MALRD1: variants seen among roughly 807,000 people sequenced by gnomAD.
MALRD1 encodes MAM and LDL-receptor class A domain-containing protein 1.
MALRD1 carries 247 observed loss-of-function variants against 242.1 expected under a neutral mutation model. The ratio of observed to expected loss-of-function variants is 1.02; its 90% CI spans 0.92 to 1.13. The LOEUF (loss-of-function observed/expected upper bound fraction) is 1.13. Ranked by LOEUF, MALRD1 falls within the 50% of genes most tolerant of loss-of-function variation. The pLI, the probability that MALRD1 is intolerant of heterozygous loss-of-function variation, is 0.00. For synonymous variants in MALRD1, 995 were observed against 866.6 expected, an observed-to-expected ratio of 1.15 and a Z score of -2.60; for missense variants, 2,989 against 2,533.1, an observed-to-expected ratio of 1.18 and a Z score of -3.86.
chr10:19,661,199 A>G (rs1370016019), intron 36 of MALRD1, among the ~76,000 whole-genome samples: 3 of 152,226 alleles, frequency 2.0e-5, no homozygotes, highest in African/African-American at 2.4e-5. Context: ...ACTGTAAACT[A>G]GTTCAACCAT....
rs117542829 is a variant in MALRD1, at chr10:19,588,115, C to A, written c.5681-7079C>A. ...ATGAAATGAATGACAGAGTTCTTTA[C>A]TTAATTATAAGTTTATATTCAAATA... On this transcript the variant is annotated intron_variant, in intron 33 of 39. Coordinates refer to ENST00000454679, the MANE Select transcript of MALRD1 (RefSeq NM_001142308.3). 2.0e-5 allele frequency among the ~76,000 whole-genome samples: 3 copies of A among 151,862 alleles called. No individual in the cohort carries two copies. The South Asian group carries it at 6.2e-4, about 32-fold the overall frequency.
At chr10:19,608,088 A>T (rs992234115) in intron 35 of MALRD1, among the ~76,000 whole-genome samples, 186 bp downstream of exon 35, 1 of 152,238 alleles carries the variant, frequency 6.6e-6, no homozygotes, top group African/African-American at 2.4e-5. Context: ...TTATAAACAT[A>T]TAATGGGCTC....
chr10:19,493,543 C>T (rs1226688441), intron 30 of MALRD1, among the ~76,000 whole-genome samples: 1 of 151,828 alleles, frequency 6.6e-6, no homozygotes, highest in Admixed American at 6.6e-5. Context: ...GGCGCAGTGG[C>T]TCACACCTGT....
intron 5 of MALRD1, among the ~76,000 whole-genome samples, chr10:19,107,295 A>G (rs1026427594): frequency 6.6e-6 from 1 of 152,052 alleles, no homozygotes; most frequent in Middle Eastern, 3.4e-3. Flanking sequence ...TTTGCTTTAT[A>G]TATTGGGAGG....
At chr10:19,232,048 A>G (rs762884744) in intron 18 of MALRD1, among the ~76,000 whole-genome samples, 1 of 152,114 alleles carries the variant, frequency 6.6e-6, no homozygotes, top group Non-Finnish European at 1.5e-5. Flanking sequence ...AAACGTTAGT[A>G]TTAGGGGAAG....
chr10:19,291,499 T>G (rs1211236073), intron 21 of MALRD1: 1 of 151,974 alleles, frequency 6.6e-6, no homozygotes. Flanking sequence ...ACTACGATCA[T>G]GCCATTGCAC....
intron 35 of MALRD1, among the ~76,000 whole-genome samples, chr10:19,615,209 A>G (rs1318628413): frequency 6.6e-6 from 1 of 151,980 alleles, no homozygotes; most frequent in Non-Finnish European, 1.5e-5. Context: ...AATATGAAAA[A>G]TTATTATATG....
At chr10:19,695,187 T>C (rs1274047742) in intron 38 of MALRD1, among the ~76,000 whole-genome samples, 1 of 151,992 alleles carries the variant, frequency 6.6e-6, no homozygotes, top group Non-Finnish European at 1.5e-5. Context: ...AAACTGCACG[T>C]CATGCACATG....
chr10:19,071,353 T>C (rs1420441865), intron 2 of MALRD1, among the ~76,000 whole-genome samples: 2 of 151,784 alleles, frequency 1.3e-5, no homozygotes, highest in Non-Finnish European at 2.9e-5. Flanking sequence ...TTTTCTATCA[T>C]ACCTAGCTAT....
Position 19,491,661 on chromosome 10 carries a change from T to G in MALRD1, c.5158+16T>G. 6.5e-7 allele frequency: 1 copy of G among 1,546,708 alleles called. No homozygotes were observed. The highest frequency in any genetic ancestry group is 8.7e-7 in the Non-Finnish European group (1 of 1,145,402). On this transcript the variant is annotated intron_variant, in intron 30 of 39. Transcript: ENST00000454679. ...GCTCACTGTGGTAAGTTTATCTATC[T>G]GCTGTATGGCAGCCAGTTCAGCAGA...
intron 10 of MALRD1, among the ~76,000 whole-genome samples, chr10:19,137,818 A>G (rs1044649882): frequency 1.5e-4 from 23 of 152,186 alleles, no homozygotes; most frequent in African/African-American, 5.5e-4. Context: ...CATATGAGGT[A>G]ACTTAGCAAC....
At chr10:19,253,420 G>A (rs1225848336) in intron 18 of MALRD1, among the ~76,000 whole-genome samples, 1 of 151,932 alleles carries the variant, frequency 6.6e-6, no homozygotes, top group African/African-American at 2.4e-5. Flanking sequence ...TAATTTATAT[G>A]TCGATTTTAT....
rs368284311 is a variant in MALRD1 at position 19,309,530 on chromosome 10, G to A, written c.3420-14419G>A. ...ACAGGCACCGTTCCAGGTGCTGGGG[G>A]AAATGACAAAAAAGTATTTGCTTAG... On this transcript the variant is annotated intron_variant, in intron 21 of 39. Coordinates refer to ENST00000454679, the MANE Select transcript of MALRD1 (RefSeq NM_001142308.3). Among the ~76,000 whole-genome samples, 201 of 151,512 alleles carry A rather than the reference G, an allele frequency of 1.3e-3. 1 individual carries two copies. Among genetic ancestry groups the A allele is most frequent in the African/African-American group, 4.8e-3 (197 of 41,440 alleles).
intron 1 of MALRD1, among the ~76,000 whole-genome samples, chr10:19,060,724 G>T (rs1386965417): frequency 2.0e-5 from 3 of 152,178 alleles, no homozygotes; most frequent in African/African-American, 7.2e-5. Context: ...TGACCAGAGA[G>T]AGGTCACAGA....
chr10:19,525,170 C>T (rs1834051317), intron 31 of MALRD1, among the ~76,000 whole-genome samples: 1 of 151,844 alleles, frequency 6.6e-6, no homozygotes, highest in Non-Finnish European at 1.5e-5. Context: ...CCGCCTGGGC[C>T]TCCCAAAGTG....
intron 8 of MALRD1, among the ~76,000 whole-genome samples, chr10:19,130,855 C>A (rs538440330): frequency 6.6e-6 from 1 of 152,194 alleles, no homozygotes; most frequent in African/African-American, 2.4e-5. Flanking sequence ...AGTGTTACAT[C>A]ATATAAAAAT....
At chr10:19,639,655 A>T (rs2131674458) in intron 36 of MALRD1, among the ~76,000 whole-genome samples, 1 of 152,314 alleles carries the variant, frequency 6.6e-6, no homozygotes, top group South Asian at 2.1e-4. Flanking sequence ...TTTTATTGAG[A>T]GAGGAAATTA....
At chr10:19,369,195 C>A (rs1226367706) in intron 26 of MALRD1, among the ~76,000 whole-genome samples, 1 of 142,448 alleles carries the variant, frequency 7.0e-6, no homozygotes, top group East Asian at 2.0e-4. Flanking sequence ...TATATATAAG[C>A]TAATATTTAA....
intron 21 of MALRD1, among the ~76,000 whole-genome samples, chr10:19,295,295 T>G (rs1448943966): frequency 2.0e-5 from 3 of 152,122 alleles, no homozygotes; most frequent in Admixed American, 2.0e-4. Context: ...TGCAATCAGT[T>G]TATGAGATGT....
Sources: gnomAD v4.1 joint callset for allele counts (sites outside exome capture counted in the v4.1 genomes callset) on GRCh38, gnomAD v4.1.1 for gene constraint, MANE v1.5 for transcripts, NCBI Gene and HGNC (gene_info 2026-07-23, HGNC 2026-07-21) for gene names.